The following ZNF695 variants were observed in gnomAD, a reference collection of about 807,000 sequenced individuals.
The protein encoded by ZNF695 is zinc finger protein SBZF3.
ZNF695 carries 11 observed loss-of-function variants against 11.2 expected under a neutral mutation model. That is an observed-to-expected ratio of 0.98 (90% confidence interval 0.62 to 1.62). The LOEUF (loss-of-function observed/expected upper bound fraction) is 1.62. ZNF695 is among the 40% of genes most tolerant of loss of function. The probability of loss-of-function intolerance (pLI) is 0.00; values close to 1 mark genes in which losing one functional copy is unlikely to be tolerated. For synonymous variants in ZNF695, 190 were observed against 201.4 expected, an observed-to-expected ratio of 0.94 and a Z score of 0.48; for missense variants, 559 against 590.5, an observed-to-expected ratio of 0.95 and a Z score of 0.55.
At chr1:246,989,467 A>T (rs563173803) in intron 3 of ZNF695, among the ~76,000 whole-genome samples, 2 of 152,290 alleles carry the variant, frequency 1.3e-5, no homozygotes, top group African/African-American at 4.8e-5. Context: ...CAAACCAAAA[A>T]ACATACAATG....
intron 3 of ZNF695, among the ~76,000 whole-genome samples, chr1:246,996,489 CA>C (rs1314725779): frequency 6.6e-6 from 1 of 152,086 alleles, no homozygotes; most frequent in East Asian, 1.9e-4. Context: ...GTAAAATCTA[CA>C]ATAAAGATGA....
intron 3 of ZNF695, among the ~76,000 whole-genome samples, chr1:246,994,160 T>A (rs193047465): frequency 8.5e-5 from 13 of 152,264 alleles, no homozygotes; most frequent in Middle Eastern, 3.4e-3. Context: ...TAAAAAGATA[T>A]GATCAATGAC....
chr1:246,988,074 G>C lies in ZNF695; in HGVS notation c.441C>G (p.Cys147Trp), dbSNP rs550526712. The change falls in exon 4 of 4, where the codon TGC (cysteine) becomes TGG (tryptophan). Residue 147 changes from cysteine to tryptophan, a missense_variant. By Grantham distance (215) the Cys-to-Trp change is radical (BLOSUM62 -2). Coordinates refer to ENST00000339986, the MANE Select transcript of ZNF695 (RefSeq NM_020394.5). ...AGTTTTTGCTATGAGTAGTTGCTGA[G>C]CATAGGTCAAGTCCATTATAACTTG... is the stretch of plus-strand genomic sequence containing the variant. ...QKASYNGLDL[C>W]SATTHSKNFQ... The C allele has an allele frequency of 1.1e-5, 17 of 1,611,288 alleles. No individual in the cohort carries two copies. The highest frequency in any genetic ancestry group is 1.4e-5 in the Non-Finnish European group (17 of 1,179,238).
intron 2 of ZNF695, 127 bp downstream of exon 2, chr1:246,999,785 T>C (rs1387746634): frequency 1.2e-5 from 11 of 931,696 alleles, no homozygotes; most frequent in Middle Eastern, 2.8e-4. Flanking sequence ...GCAAAACATC[T>C]TGAAAGTTTT....
chr1:246,972,954 A>G (rs1394874535), intron 4 of ZNF695, among the ~76,000 whole-genome samples: 1 of 145,086 alleles, frequency 6.9e-6, no homozygotes, highest in Non-Finnish European at 1.5e-5. Context: ...TATATATACT[A>G]TATAAATTCT....
downstream of ZNF695, among the ~76,000 whole-genome samples, chr1:246,980,767 C>A (rs903014586): frequency 1.3e-5 from 2 of 152,148 alleles, no homozygotes; most frequent in Non-Finnish European, 2.9e-5. Context: ...AGTGCATTCA[C>A]ATGATGGGAT....
intron 5 of ZNF695, among the ~76,000 whole-genome samples, chr1:246,959,310 AATATATATATATATATATAT>A (rs1158852538): frequency 0.095 from 4,896 of 51,336 alleles, 417 homozygotes; most frequent in South Asian, 0.21. Context: ...AAAAAAAAAA[AATATATATATATATATATAT>A]ATATATATAT....
intron 1 of ZNF695, among the ~76,000 whole-genome samples, chr1:247,001,712 C>CAAAAAAAAAAAAAAA (rs56131097): frequency 5.0e-5 from 4 of 79,240 alleles, no homozygotes; most frequent in Admixed American, 1.6e-4. Flanking sequence ...GACTTCGTCT[C>CAAAAAAAAAAAAAAA]AAAAAAAAAA....
At chr1:247,004,321 A>G (rs899056842) in intron 1 of ZNF695, among the ~76,000 whole-genome samples, 17 of 152,204 alleles carry the variant, frequency 1.1e-4, no homozygotes, top group Admixed American at 7.2e-4. Context: ...CATCATATTA[A>G]CAGAATGAAG....
At chr1:246,955,007 G>A (rs1015632230) in intron 5 of ZNF695, among the ~76,000 whole-genome samples, 24 of 152,030 alleles carry the variant, frequency 1.6e-4, no homozygotes, top group African/African-American at 5.8e-4. Context: ...TAATCCCCAC[G>A]TGTCATGGGA....
chr1:246,983,098 G>A (rs1443337456), downstream of ZNF695, among the ~76,000 whole-genome samples: 1 of 151,934 alleles, frequency 6.6e-6, no homozygotes, highest in East Asian at 1.9e-4. Flanking sequence ...CAGCTACTTG[G>A]GAGGCTGAGG....
intron 5 of ZNF695, among the ~76,000 whole-genome samples, chr1:246,950,048 T>C (rs1045460778): frequency 2.6e-5 from 4 of 152,212 alleles, no homozygotes; most frequent in African/African-American, 9.6e-5. Context: ...AAAATCTTAT[T>C]GTACTAAAGT....
chr1:246,999,960 G>C lies in ZNF695; in HGVS notation c.118C>G (p.Leu40Val). ...AAGCTATCCTCACCAAGGGAGATCA[G>C]GTTTCTGTAGTTCTCTAACATCACA... ...RDVMLENYRNLISLGEDSFNM... is the reference protein window; with the variant it reads ...RDVMLENYRNVISLGEDSFNM... Residue 40 changes from leucine (L) to valine (V), a missense_variant, in exon 2 of 4, where the codon CTG becomes GTG. Physicochemically the swap from Leu to Val is conservative, Grantham distance 32. Transcript: ENST00000339986. The C allele has an allele frequency of 3.7e-6, 6 of 1,614,166 alleles. No homozygotes were observed. The highest frequency in any genetic ancestry group is 5.1e-6 in the Non-Finnish European group (6 of 1,180,034).
chr1:246,953,369 G>C (rs1034928696), intron 5 of ZNF695, among the ~76,000 whole-genome samples: 1 of 152,076 alleles, frequency 6.6e-6, no homozygotes, highest in African/African-American at 2.4e-5. Context: ...AGCACTTTAG[G>C]AGGCCGAGGC....
chr1:246,946,307 C>A (rs2800216), intron 5 of ZNF695, among the ~76,000 whole-genome samples: 86,540 of 151,984 alleles, frequency 0.57, 24,963 homozygotes, highest in African/African-American at 0.65. Flanking sequence ...TACAACGTGA[C>A]TGTACTTTCA....
rs1053932491 is a variant in ZNF695, at chr1:246,956,444, C to T, written c.489-10617G>A. On this transcript the variant is annotated intron_variant, in intron 5 of 5. Coordinates refer to the ZNF695 transcript ENST00000487338. ...CAGCCTGGCCAACATGGTGAAACCC[C>T]GTCTCTACAAAAAATACAAAAATTA... 1.8e-4 allele frequency among the ~76,000 whole-genome samples: 27 copies of T among 151,392 alleles called. 1 individual carries two copies. Among genetic ancestry groups the T allele is most frequent in the East Asian group, 4.0e-4 (2 of 5,034 alleles).
intron 1 of ZNF695, among the ~76,000 whole-genome samples, chr1:247,002,057 T>C (rs1302236332): frequency 6.6e-6 from 1 of 152,082 alleles, no homozygotes; most frequent in East Asian, 1.9e-4. Context: ...GCACATGGCA[T>C]ATATTTTCAA....
At chr1:246,983,072 C>T (rs1216995572), downstream of ZNF695, among the ~76,000 whole-genome samples, 3 of 151,870 alleles carry the variant, frequency 2.0e-5, no homozygotes, top group South Asian at 2.1e-4. Context: ...GGTGTGGTGG[C>T]GGGCGCCTGC....
At chr1:246,990,674 C>T (rs1326786430) in intron 3 of ZNF695, among the ~76,000 whole-genome samples, 1 of 152,144 alleles carries the variant, frequency 6.6e-6, no homozygotes, top group Non-Finnish European at 1.5e-5. Context: ...TTGTTTTCCT[C>T]AGCACATGGA....
Sources: gnomAD v4.1 joint callset for allele counts (sites outside exome capture counted in the v4.1 genomes callset) on GRCh38, gnomAD v4.1.1 for gene constraint, MANE v1.5 for transcripts, NCBI Gene and HGNC (gene_info 2026-07-23, HGNC 2026-07-21) for gene names.